The following TRAF2 variants were observed in gnomAD, a reference collection of about 807,000 sequenced individuals.
The protein encoded by TRAF2 is TNF receptor associated factor 2.
Under a neutral mutation model 55.6 loss-of-function variants are expected in TRAF2, and 6 were observed. The ratio of observed to expected loss-of-function variants is 0.11; its 90% CI spans 0.06 to 0.21. The LOEUF is 0.21. TRAF2 is among the 10% of genes least tolerant of loss of function. TRAF2 has a pLI of 1.00. For missense variants in TRAF2, 561 were observed against 684.5 expected, an observed-to-expected ratio of 0.82 and a Z score of 2.01; for synonymous variants, 329 against 276.3, an observed-to-expected ratio of 1.19 and a Z score of -1.89.
intron 1 of TRAF2, among the ~76,000 whole-genome samples, chr9:136,891,317 C>T (rs1422340515): frequency 6.6e-6 from 1 of 151,710 alleles, no homozygotes; most frequent in East Asian, 1.9e-4. Flanking sequence ...ACCATGTTGG[C>T]CAGCCTGGTC....
chr9:136,882,392 G>GT (rs888753581), upstream of TRAF2, among the ~76,000 whole-genome samples: 1 of 152,248 alleles, frequency 6.6e-6, no homozygotes. Flanking sequence ...GGCCAGGCCA[G>GT]TGAGTGGCTG....
chr9:136,900,296 C>T, intron 3 of TRAF2, 126 bp from the exon 4 acceptor site: 1 of 601,620 alleles, frequency 1.7e-6, no homozygotes, highest in South Asian at 2.2e-5. Context: ...TCATCCTCTG[C>T]TCCTGGAGTG....
At chr9:136,911,303 T>G (rs1406254768) in intron 6 of TRAF2, among the ~76,000 whole-genome samples, 1 of 150,996 alleles carries the variant, frequency 6.6e-6, no homozygotes, top group Non-Finnish European at 1.5e-5. Context: ...AGTTTCGCTC[T>G]TGTTGCCCAG....
upstream of TRAF2, among the ~76,000 whole-genome samples, chr9:136,884,651 A>C (rs1849413638): frequency 6.6e-6 from 1 of 152,168 alleles, no homozygotes; most frequent in African/African-American, 2.4e-5. Context: ...CCACCTCCTG[A>C]GCTTCAGTCA....
At chr9:136,900,303 A>G (rs1849787959) in intron 3 of TRAF2, 119 bp from the exon 4 acceptor site, 1 of 609,660 alleles carries the variant, frequency 1.6e-6, no homozygotes, top group Non-Finnish European at 2.8e-6. Context: ...CTGCTCCTGG[A>G]GTGGCCTGGA....
At chr9:136,917,291 A>G (rs937025047) in intron 7 of TRAF2, among the ~76,000 whole-genome samples, 2 of 151,832 alleles carry the variant, frequency 1.3e-5, no homozygotes, top group Non-Finnish European at 2.9e-5. Flanking sequence ...CCCCTCAGCT[A>G]TCTCCTCTGC....
intron 7 of TRAF2, among the ~76,000 whole-genome samples, chr9:136,919,109 G>A (rs942886122): frequency 1.4e-5 from 2 of 140,764 alleles, no homozygotes; most frequent in African/African-American, 5.4e-5. Context: ...GGCCAGGCTG[G>A]AAGTGCAGTG....
intron 10 of TRAF2, among the ~76,000 whole-genome samples, chr9:136,924,825 C>CA (rs1284608479): frequency 6.6e-6 from 1 of 151,784 alleles, no homozygotes; most frequent in African/African-American, 2.4e-5. Context: ...CTGCAACCTC[C>CA]CCTCCTGGGT....
intron 4 of TRAF2, among the ~76,000 whole-genome samples, chr9:136,907,274 C>T (rs531257331): frequency 3.9e-5 from 6 of 152,372 alleles, no homozygotes; most frequent in African/African-American, 1.2e-4. Context: ...GCACCTTCCC[C>T]GGCCCTGCCT....
At chr9:136,888,503 G>T (rs1207841533) in intron 1 of TRAF2, among the ~76,000 whole-genome samples, 1 of 152,172 alleles carries the variant, frequency 6.6e-6, no homozygotes, top group African/African-American at 2.4e-5. Flanking sequence ...GTGTGCTGTT[G>T]GTGGAGACAT....
At chr9:136,883,971 C>T (rs1849403519), upstream of TRAF2, among the ~76,000 whole-genome samples, 1 of 149,166 alleles carries the variant, frequency 6.7e-6, no homozygotes, top group African/African-American at 2.5e-5. Flanking sequence ...AGTACAGGCG[C>T]GTACCACCAT....
chr9:136,886,624 C>T, intron 1 of TRAF2, 83 bp downstream of exon 1: 4 of 925,058 alleles, frequency 4.3e-6, no homozygotes, highest in Non-Finnish European at 5.1e-6. Context: ...CGGGCGCAGG[C>T]GCGGGCACCT....
chr9:136,888,640 T>C (rs1321174989), intron 1 of TRAF2, among the ~76,000 whole-genome samples: 1 of 152,232 alleles, frequency 6.6e-6, no homozygotes, highest in African/African-American at 2.4e-5. Context: ...GTTGCACCCA[T>C]ATCTGATTTG....
chr9:136,905,571 A>G (rs546794356), intron 4 of TRAF2, among the ~76,000 whole-genome samples: 19 of 152,352 alleles, frequency 1.2e-4, no homozygotes, highest in Admixed American at 1.2e-3. Context: ...AGAACTGTGC[A>G]CTTGAAAATG....
At chr9:136,900,817 C>T (rs553128551) in intron 4 of TRAF2, 42 of 360,904 alleles carry the variant, frequency 1.2e-4, no homozygotes, top group African/African-American at 6.4e-4. Flanking sequence ...ATCCCACCAT[C>T]GTGGGGTGGC....
At chr9:136,919,839 C>A (rs1251840469) in intron 7 of TRAF2, among the ~76,000 whole-genome samples, 1 of 152,138 alleles carries the variant, frequency 6.6e-6, no homozygotes, top group Non-Finnish European at 1.5e-5. Flanking sequence ...CCTCAGCCTC[C>A]TGAGTAGCTG....
intron 1 of TRAF2, among the ~76,000 whole-genome samples, chr9:136,896,265 GAA>G (rs1225458231): frequency 6.6e-6 from 1 of 152,244 alleles, no homozygotes; most frequent in African/African-American, 2.4e-5. Context: ...GCTGCTTTTG[GAA>G]GGAGGAGCAT....
Position 136,911,844 on chromosome 9 carries a change from C to CTT in TRAF2, c.603+1851_603+1852insTT, listed in dbSNP as rs1304459874. Among the ~76,000 whole-genome samples the CTT allele has an allele frequency of 8.7e-4, 44 of 50,344 alleles. 1 individual carries two copies. The highest frequency in any genetic ancestry group is 4.6e-3 in the African/African-American group (41 of 8,868). 33.0% of individuals were successfully genotyped at this position (50,344 alleles called of 152,430 possible). A position where few individuals can be genotyped will look rare whatever the true frequency, so the allele number is the denominator to read the frequency against. ...TGGCGTGCTTGGGATTTTCTCTTAT[C>CTT]TCTTTTTTTTTTTTTTTTTTTTTGA... On this transcript the variant is annotated intron_variant, in intron 6 of 10. Transcript: ENST00000247668.
At chr9:136,918,542 A>T (rs983144699) in intron 7 of TRAF2, among the ~76,000 whole-genome samples, 1 of 151,978 alleles carries the variant, frequency 6.6e-6, no homozygotes, top group African/African-American at 2.4e-5. Context: ...CTCCTGCCTC[A>T]GCCTCCTAAA....
Sources: allele counts gnomAD v4.1 joint callset (sites outside exome capture counted in the v4.1 genomes callset), GRCh38; gene constraint gnomAD v4.1.1; transcripts MANE v1.5; gene names NCBI Gene and HGNC (gene_info 2026-07-23, HGNC 2026-07-21).